Variants in EPHB1 observed in about 807,000 individuals in gnomAD.
The protein encoded by EPHB1 is EPH receptor B1, also known as ephrin type-B receptor 1.
Under a neutral mutation model 94.4 loss-of-function variants are expected in EPHB1, and 30 were observed. That is an observed-to-expected ratio of 0.32 (90% CI 0.24 to 0.43). EPHB1 has a LOEUF of 0.43. Ranked by LOEUF, EPHB1 falls within the 20% of genes least tolerant of loss-of-function variation. EPHB1 has a pLI of 1.00. For synonymous variants in EPHB1, 522 were observed against 489.1 expected (o/e 1.07, Z -0.89); for missense variants, 1,055 against 1,308.3 (o/e 0.81, Z 2.99).
At chr3:135,051,591 A>G (rs1387957595) in intron 3 of EPHB1, among the ~76,000 whole-genome samples, 1 of 152,246 alleles carries the variant, frequency 6.6e-6, no homozygotes, top group African/African-American at 2.4e-5. Context: ...ACCTGGAGGC[A>G]TCTTTGAGAG....
chr3:135,024,656 G>A (rs969621554), intron 3 of EPHB1, among the ~76,000 whole-genome samples: 23 of 151,970 alleles, frequency 1.5e-4, no homozygotes, highest in African/African-American at 3.6e-4. Context: ...TTTTCATTTC[G>A]TAAATTAATT....
chr3:135,151,560 C>A (rs1269817436), intron 5 of EPHB1, among the ~76,000 whole-genome samples: 1 of 152,126 alleles, frequency 6.6e-6, no homozygotes. Flanking sequence ...TAGCTCTAGT[C>A]TCTGCTGAAT....
chr3:135,064,435 GT>G (rs1418842744), intron 3 of EPHB1, among the ~76,000 whole-genome samples: 1 of 151,918 alleles, frequency 6.6e-6, no homozygotes, highest in African/African-American at 2.4e-5. Context: ...GGAGGGTTGT[GT>G]TTTTCCAGGA....
At chr3:135,178,330 C>T (rs949902773) in intron 9 of EPHB1, among the ~76,000 whole-genome samples, 4 of 151,636 alleles carry the variant, frequency 2.6e-5, no homozygotes, top group South Asian at 2.1e-4. Context: ...GTGGTGCATG[C>T]CTATAATCCC....
At chr3:135,190,723 T>C (rs1315267327) in intron 10 of EPHB1, among the ~76,000 whole-genome samples, 2 of 152,244 alleles carry the variant, frequency 1.3e-5, no homozygotes, top group African/African-American at 4.8e-5. Context: ...TAGTGGTACT[T>C]CTATTTCTGG....
At chr3:134,797,452 G>T (rs923261001) in intron 1 of EPHB1, among the ~76,000 whole-genome samples, 4 of 152,194 alleles carry the variant, frequency 2.6e-5, no homozygotes, top group Non-Finnish European at 4.4e-5. Context: ...CAGGTCCGAG[G>T]CTCGGTCCGG....
At chr3:135,140,150 A>T (rs1940769441) in intron 5 of EPHB1, among the ~76,000 whole-genome samples, 2 of 152,172 alleles carry the variant, frequency 1.3e-5, no homozygotes, top group East Asian at 3.9e-4. Flanking sequence ...TCCACATGAG[A>T]TTGTTATAAC....
intron 2 of EPHB1, among the ~76,000 whole-genome samples, chr3:134,946,838 G>A (rs1156898427): frequency 1.3e-5 from 2 of 152,182 alleles, no homozygotes; most frequent in African/African-American, 4.8e-5. Context: ...CTCACCAGAA[G>A]TAGATTGTGG....
rs956534567 is a variant in EPHB1 at position 135,176,113 on chromosome 3, C to T, written c.1760-3747C>T. Among the ~76,000 whole-genome samples the T allele has an allele frequency of 1.2e-4, 18 of 152,058 alleles. No individual in the cohort carries two copies. In the South Asian group the frequency reaches 1.5e-3, roughly 12 times the overall value. ...TGCAGGAGGGAGGTCTAGGAAGATG[C>T]GTCATTCTGAGATGAGGCGGATACA... On this transcript the variant is annotated intron_variant, in intron 9 of 15. Coordinates refer to ENST00000398015, the MANE Select transcript of EPHB1 (RefSeq NM_004441.5).
intron 3 of EPHB1, among the ~76,000 whole-genome samples, chr3:135,101,947 A>G (rs1444388864): frequency 6.6e-6 from 1 of 152,132 alleles, no homozygotes; most frequent in Non-Finnish European, 1.5e-5. Context: ...CTCACCAGGA[A>G]GGGAGCTTCC....
intron 4 of EPHB1, among the ~76,000 whole-genome samples, chr3:135,112,567 G>A (rs1553735821): frequency 8.3e-6 from 1 of 120,106 alleles, no homozygotes; most frequent in Non-Finnish European, 1.6e-5. Flanking sequence ...AGTCCCCAGT[G>A]TGTGATATTC....
At chr3:135,089,086 G>T (rs545045228) in intron 3 of EPHB1, among the ~76,000 whole-genome samples, 1 of 152,290 alleles carries the variant, frequency 6.6e-6, no homozygotes, top group East Asian at 1.9e-4. Flanking sequence ...ACTGAAGCTG[G>T]TACTCCTTTC....
chr3:135,057,585 C>T (rs1039361912), intron 3 of EPHB1, among the ~76,000 whole-genome samples: 3 of 152,168 alleles, frequency 2.0e-5, no homozygotes, highest in African/African-American at 7.2e-5. Flanking sequence ...CCCCGCTCCT[C>T]AGAGGGGTCC....
At chr3:135,201,401 G>A (rs1186705972) in intron 11 of EPHB1, 73 bp from the exon 12 acceptor site, 1 of 1,495,370 alleles carries the variant, frequency 6.7e-7, no homozygotes, top group Non-Finnish European at 9.3e-7. Flanking sequence ...AAGCAGCAGG[G>A]CCACAACATC....
intron 4 of EPHB1, among the ~76,000 whole-genome samples, chr3:135,108,430 C>A (rs1338289459): frequency 2.6e-5 from 4 of 152,134 alleles, no homozygotes; most frequent in East Asian, 1.9e-4. Flanking sequence ...TGCATGTTAC[C>A]TTTTGCAGCC....
chr3:135,099,287 A>C lies in EPHB1; in HGVS notation c.806-7161A>C, dbSNP rs977153906. ...ATTATCCATCTTCAGAGAGCTTTCAAACTAGTACATTGGATGGATGGATGG... is the reference window on the plus strand; with the variant it reads ...ATTATCCATCTTCAGAGAGCTTTCACACTAGTACATTGGATGGATGGATGG... On this transcript the variant is annotated intron_variant, in intron 3 of 15. Transcript: ENST00000398015. 2.6e-5 allele frequency among the ~76,000 whole-genome samples: 4 copies of C among 152,084 alleles called. No homozygotes were observed. The East Asian group carries it at 7.7e-4, about 29-fold the overall frequency.
At chr3:134,802,082 TAGAGAG>T (rs1282028343) in intron 1 of EPHB1, among the ~76,000 whole-genome samples, 7 of 151,958 alleles carry the variant, frequency 4.6e-5, no homozygotes, top group Non-Finnish European at 8.8e-5. Context: ...ATCATTATGG[TAGAGAG>T]AGTAGCAGGG....
At position 135,230,825 on chromosome 3, in the gene EPHB1, T is replaced by C. The variant is rs151299741; in HGVS notation, c.2347-10323T>C. ...ATAAGTGAGAATGTGTGATATTTGGTTTTCTGCTCCTGCACTAATTCATTT... is the reference window on the plus strand; with the variant it reads ...ATAAGTGAGAATGTGTGATATTTGGCTTTCTGCTCCTGCACTAATTCATTT... On this transcript the variant is annotated intron_variant, in intron 12 of 15. Coordinates refer to ENST00000398015, the MANE Select transcript of EPHB1 (RefSeq NM_004441.5). 2.5e-3 allele frequency among the ~76,000 whole-genome samples: 376 copies of C among 152,292 alleles called. 5 individuals carry two copies. Among genetic ancestry groups the C allele is most frequent in the African/African-American group, 8.4e-3 (347 of 41,538 alleles).
intron 3 of EPHB1, among the ~76,000 whole-genome samples, chr3:134,998,273 T>C (rs995021853): frequency 2.6e-5 from 4 of 152,172 alleles, no homozygotes; most frequent in Non-Finnish European, 2.9e-5. Context: ...CAGAAGGCAT[T>C]GCACCATTTC....
Sources: gnomAD v4.1 joint callset for allele counts (sites outside exome capture counted in the v4.1 genomes callset) on GRCh38, gnomAD v4.1.1 for gene constraint, MANE v1.5 for transcripts, NCBI Gene and HGNC (gene_info 2026-07-23, HGNC 2026-07-21) for gene names.